AKAP6: variants seen among roughly 807,000 people sequenced by gnomAD.
AKAP6 encodes A-kinase anchor protein 6.
In AKAP6, 58 loss-of-function variants were observed where a neutral mutation model predicts 188.5. The observed-to-expected ratio is 0.31, with a 90% CI of 0.25 to 0.38. AKAP6 has a LOEUF of 0.38. AKAP6 is among the 10% of genes least tolerant of loss of function. The pLI is 1.00. For missense variants in AKAP6, 2,710 were observed against 2,740.0 expected (o/e 0.99, Z 0.24); for synonymous variants, 989 against 998.6 (o/e 0.99, Z 0.18).
At chr14:32,547,211 A>G (rs906659820) in intron 4 of AKAP6, among the ~76,000 whole-genome samples, 7 of 152,228 alleles carry the variant, frequency 4.6e-5, no homozygotes, top group Non-Finnish European at 1.0e-4. Context: ...CATTAGCTTG[A>G]TGTGCTCCTG....
At chr14:32,400,631 A>G (rs372008269) in intron 1 of AKAP6, among the ~76,000 whole-genome samples, 2 of 150,660 alleles carry the variant, frequency 1.3e-5, no homozygotes, top group East Asian at 3.9e-4. Flanking sequence ...GACTCAGGTT[A>G]TTTTAATAGT....
intron 7 of AKAP6, among the ~76,000 whole-genome samples, chr14:32,668,188 A>G (rs1179922589): frequency 6.6e-6 from 1 of 152,114 alleles, no homozygotes; most frequent in Non-Finnish European, 1.5e-5. Flanking sequence ...TCCACACAGT[A>G]TATTTGCACT....
At chr14:32,565,746 G>A (rs1884155597) in intron 4 of AKAP6, among the ~76,000 whole-genome samples, 1 of 152,188 alleles carries the variant, frequency 6.6e-6, no homozygotes, top group Non-Finnish European at 1.5e-5. Flanking sequence ...GCCAGACTCT[G>A]CAACCTCATT....
intron 2 of AKAP6, among the ~76,000 whole-genome samples, chr14:32,444,541 T>C (rs1691225945): frequency 6.6e-6 from 1 of 152,210 alleles, no homozygotes; most frequent in African/African-American, 2.4e-5. Context: ...TGTGATACTT[T>C]AATGCACCAT....
intron 7 of AKAP6, among the ~76,000 whole-genome samples, chr14:32,651,909 T>C (rs1169893712): frequency 6.6e-6 from 1 of 152,132 alleles, no homozygotes; most frequent in Non-Finnish European, 1.5e-5. Context: ...CTTAGGCCCA[T>C]TTTTTATTGA....
chr14:32,510,480 A>G (rs1393949973), intron 2 of AKAP6, among the ~76,000 whole-genome samples: 2 of 125,544 alleles, frequency 1.6e-5, no homozygotes, highest in East Asian at 4.2e-4. Context: ...ATATATACAT[A>G]TATATATGTG....
rs1172592157 is a variant in AKAP6, at chr14:32,401,476, C to CCA, written c.-34-31975_-34-31974dup. Among the ~76,000 whole-genome samples, 3 of 152,112 alleles carry CCA rather than the reference C, an allele frequency of 2.0e-5. No homozygotes were observed. The East Asian group carries it at 5.8e-4, about 29-fold the overall frequency. ...ACACTTTTTTCTCTACTTTACCCCA[C>CCA]CACACACACAATCTCACCCAGCCCT... On this transcript the variant is annotated intron_variant, in intron 1 of 13. Transcript: ENST00000280979.
intron 9 of AKAP6, among the ~76,000 whole-genome samples, chr14:32,728,689 C>T (rs776918418): frequency 1.3e-5 from 2 of 152,172 alleles, no homozygotes; most frequent in Admixed American, 1.3e-4. Context: ...GCCAAAGCTT[C>T]ACTCTCTGTT....
intron 1 of AKAP6, among the ~76,000 whole-genome samples, chr14:32,363,710 C>G (rs773230389): frequency 9.2e-5 from 14 of 152,198 alleles, no homozygotes; most frequent in Non-Finnish European, 1.5e-4. Context: ...GGTGCCCACC[C>G]AAACTGAGGG....
Position 32,484,592 on chromosome 14 carries a change from A to G in AKAP6, c.324+50775A>G. ...AAAGCCTCCGATTATGATAGGTATC[A>G]CTATGAAGAAGATTATTACAAATGC... is the stretch of plus-strand genomic sequence containing the variant. On this transcript the variant is annotated intron_variant, in intron 2 of 13. Coordinates refer to ENST00000280979, the MANE Select transcript of AKAP6 (RefSeq NM_004274.5). 2 of 211,950 alleles carry G rather than the reference A, an allele frequency of 9.4e-6. 1 individual carries two copies. 13.1% of individuals were successfully genotyped at this position (211,950 alleles called of 1,614,324 possible). A position where few individuals can be genotyped will look rare whatever the true frequency, so the allele number is the denominator to read the frequency against.
chr14:32,538,238 A>G (rs1046651090), intron 3 of AKAP6, among the ~76,000 whole-genome samples: 1 of 152,202 alleles, frequency 6.6e-6, no homozygotes, highest in African/African-American at 2.4e-5. Flanking sequence ...GGAATTGTAA[A>G]AAGCAGGAAG....
At position 32,806,324 on chromosome 14, in the gene AKAP6, G is replaced by A. The variant is rs550963869; in HGVS notation, c.3589-15078G>A. On this transcript the variant is annotated intron_variant, in intron 12 of 13. Transcript: ENST00000280979. ...ATACAAAACTGTTAGATACTTGATA[G>A]GTGAGTCTGCTTGATTCACCTTTTT... 2.0e-4 allele frequency among the ~76,000 whole-genome samples: 31 copies of A among 152,316 alleles called. No homozygotes were observed. In the South Asian group the frequency reaches 6.4e-3, roughly 32 times the overall value.
At chr14:32,429,151 G>A (rs1890135240) in intron 1 of AKAP6, among the ~76,000 whole-genome samples, 1 of 152,218 alleles carries the variant, frequency 6.6e-6, no homozygotes, top group Admixed American at 6.5e-5. Context: ...AGGCACCTGT[G>A]TGCACTTGAT....
At chr14:32,417,076 A>C (rs1416035946) in intron 1 of AKAP6, among the ~76,000 whole-genome samples, 1 of 152,150 alleles carries the variant, frequency 6.6e-6, no homozygotes, top group East Asian at 1.9e-4. Flanking sequence ...TCCTGTTTTC[A>C]AATGATCTGC....
At chr14:32,337,997 G>A (rs1460691685) in intron 1 of AKAP6, among the ~76,000 whole-genome samples, 2 of 151,982 alleles carry the variant, frequency 1.3e-5, no homozygotes, top group East Asian at 3.9e-4. Context: ...TCCAGCCTGG[G>A]CATCAGAGCA....
At chr14:32,336,987 G>T (rs774774826) in intron 1 of AKAP6, among the ~76,000 whole-genome samples, 1 of 152,124 alleles carries the variant, frequency 6.6e-6, no homozygotes, top group Non-Finnish European at 1.5e-5. Context: ...GAAGAAATCC[G>T]CTTGCTTTTA....
intron 1 of AKAP6, among the ~76,000 whole-genome samples, chr14:32,345,084 C>G (rs766191232): frequency 1.4e-4 from 21 of 151,956 alleles, no homozygotes; most frequent in Non-Finnish European, 1.0e-4. Flanking sequence ...TTTGTTTTTT[C>G]TATGCTTCCT....
In AKAP6 at chr14:32,487,776, A is replaced by G. The variant is rs559449243; in HGVS notation, c.325-47778A>G. On this transcript the variant is annotated intron_variant, in intron 2 of 13. Coordinates refer to ENST00000280979, the MANE Select transcript of AKAP6 (RefSeq NM_004274.5). The stretch of plus-strand genomic sequence containing the variant: ...TTGATGCTATTGCTTTCTGTTTGTT[A>G]GTTTTCCTTCTAATAGTCAGGCCCC... 1.1e-4 allele frequency among the ~76,000 whole-genome samples: 17 copies of G among 152,242 alleles called. No individual in the cohort carries two copies. The East Asian group carries it at 3.3e-3, about 29-fold the overall frequency.
In AKAP6 at chr14:32,832,819, C is replaced by T. The variant is rs1398556106; in HGVS notation, c.*3014C>T. ...ATGGCAACCCTGAAGATAATCAAGG[C>T]CAGTTACTCATCATCTCCCAACCAC... is the stretch of plus-strand genomic sequence containing the variant. On this transcript the variant is annotated 3_prime_UTR_variant, in exon 14 of 14. Transcript: ENST00000280979. 1 of 152,574 alleles carries T rather than the reference C, an allele frequency of 6.6e-6. No individual in the cohort carries two copies. Among genetic ancestry groups the T allele is most frequent in the East Asian group, 1.9e-4 (1 of 5,184 alleles). 9.5% of individuals were successfully genotyped at this position (152,574 alleles called of 1,614,324 possible).
Sources: gnomAD v4.1 joint callset for allele counts (sites outside exome capture counted in the v4.1 genomes callset) on GRCh38, gnomAD v4.1.1 for gene constraint, MANE v1.5 for transcripts, NCBI Gene and HGNC (gene_info 2026-07-23, HGNC 2026-07-21) for gene names.